The following P2RX1 variants were observed in gnomAD, a reference collection of about 807,000 sequenced individuals.
The protein encoded by P2RX1 is purinergic receptor P2X 1.
P2RX1 carries 42 observed loss-of-function variants against 50.3 expected under a neutral mutation model. The ratio of observed to expected loss-of-function variants is 0.83; its 90% confidence interval spans 0.65 to 1.08. The LOEUF (loss-of-function observed/expected upper bound fraction) is 1.08. Ranked by LOEUF, P2RX1 falls within the 50% of genes least tolerant of loss-of-function variation. The probability of loss-of-function intolerance (pLI) is 0.00; values close to 1 mark genes in which losing one functional copy is unlikely to be tolerated. For synonymous variants in P2RX1, 199 were observed against 202.6 expected, an observed-to-expected ratio of 0.98 and a Z score of 0.15; for missense variants, 449 against 529.0, an observed-to-expected ratio of 0.85 and a Z score of 1.48.
rs1433957673 is a variant in P2RX1, at chr17:3,897,770, C to T, written c.*44G>A. On this transcript the variant is annotated 3_prime_UTR_variant, in exon 12 of 12. Coordinates refer to ENST00000225538, the MANE Select transcript of P2RX1 (RefSeq NM_002558.4). ...GGCTGGGACCCACCAGGGCTCCAGGCTGAAGCCTCACGCTGCACCCAGTCA... is the reference window on the plus strand; with the variant it reads ...GGCTGGGACCCACCAGGGCTCCAGGTTGAAGCCTCACGCTGCACCCAGTCA... The T allele has an allele frequency of 6.3e-7, 1 of 1,585,190 alleles. No individual in the cohort carries two copies. The highest frequency in any genetic ancestry group is 1.3e-5 in the African/African-American group (1 of 74,326).
intron 9 of P2RX1, 82 bp downstream of exon 9, chr17:3,898,852 T>C (rs2056081600): frequency 1.8e-6 from 2 of 1,122,742 alleles, no homozygotes; most frequent in Middle Eastern, 1.9e-4. Flanking sequence ...CTTCCGGTTG[T>C]CTATAACTGT....
chr17:3,914,568 C>A lies in P2RX1; in HGVS notation c.137+1521G>T, dbSNP rs1278190430. 6.6e-6 allele frequency among the ~76,000 whole-genome samples: 1 copy of A among 152,110 alleles called. No homozygotes were observed. Among genetic ancestry groups the A allele is most frequent in the African/African-American group, 2.4e-5 (1 of 41,420 alleles). On this transcript the variant is annotated intron_variant, in intron 1 of 11. Transcript: ENST00000225538. This position sits in a 1 kb window ranked among gnomAD's most constrained non-coding sequence, Gnocchi z 4.1. ...ACAGCCTTCCCCCAGCCTCTTCCAG[C>A]AAGGGTAGGCTGGGCCTGCGCAGAC...
intron 1 of P2RX1, chr17:3,915,316 A>G (rs1241977210): frequency 1.8e-5 from 7 of 384,466 alleles, no homozygotes; most frequent in South Asian, 1.1e-4. Context: ...GGGTACCCAC[A>G]TGTGGGCACT....
At chr17:3,908,055 C>T (rs1446552152) in intron 1 of P2RX1, among the ~76,000 whole-genome samples, 3 of 152,174 alleles carry the variant, frequency 2.0e-5, no homozygotes, top group Non-Finnish European at 2.9e-5. Context: ...TCTCAAGTGT[C>T]CCCATGCTTG....
In P2RX1 at chr17:3,896,626, C is replaced by T. The variant is rs986507775; in HGVS notation, c.*1188G>A. ...ATTCCCTTTATTGTACTCCACCCGTCGCTTCCCCCAGACCTTCTGTTCAGA... is the reference window on the plus strand; with the variant it reads ...ATTCCCTTTATTGTACTCCACCCGTTGCTTCCCCCAGACCTTCTGTTCAGA... On this transcript the variant is annotated 3_prime_UTR_variant, in exon 12 of 12. Coordinates refer to ENST00000225538, the MANE Select transcript of P2RX1 (RefSeq NM_002558.4). 3 of 152,330 alleles carry T rather than the reference C, an allele frequency of 2.0e-5. No individual in the cohort carries two copies. The highest frequency in any genetic ancestry group is 4.4e-5 in the Non-Finnish European group (3 of 68,116). 9.4% of individuals were successfully genotyped at this position (152,330 alleles called of 1,614,324 possible).
intron 4 of P2RX1, 121 bp downstream of exon 4, chr17:3,904,209 C>G: frequency 8.8e-7 from 1 of 1,139,234 alleles, no homozygotes. Context: ...GGGAGTCCCT[C>G]CCGGAGGCCG....
intron 1 of P2RX1, chr17:3,915,502 C>T (rs1410162644): frequency 2.2e-6 from 1 of 456,522 alleles, no homozygotes; most frequent in Admixed American, 2.3e-5. Context: ...CCGGAGATGC[C>T]CAGAAAGGAA....
At position 3,905,133 on chromosome 17, in the gene P2RX1, G is replaced by A. The variant is rs931345135; in HGVS notation, c.285+87C>T. On this transcript the variant is annotated intron_variant, in intron 2 of 11. Transcript: ENST00000225538. ...AGGTCCAGAGAGAAAGAGGAGCTGG[G>A]CTGGTCCCACAGGGACGTGGGACAG... 5 of 1,533,358 alleles carry A rather than the reference G, an allele frequency of 3.3e-6. No individual in the cohort carries two copies. The African/African-American group carries it at 6.8e-5, about 21-fold the overall frequency. The allele number at this position is 1,533,358 out of a possible 1,614,324, so 95.0% of individuals were successfully genotyped here.
At position 3,914,538 on chromosome 17, in the gene P2RX1, A is replaced by G. The variant is rs142202284; in HGVS notation, c.137+1551T>C. ...GAACTAGGGAGCCGCAGGGGCAGAG[A>G]GAGGACAGCCTTCCCCCAGCCTCTT... On this transcript the variant is annotated intron_variant, in intron 1 of 11. Transcript: ENST00000225538. The surrounding 1 kb of genome is among the most constrained non-coding windows in gnomAD (Gnocchi z 4.1). Among the ~76,000 whole-genome samples, 65 of 152,240 alleles carry G rather than the reference A, an allele frequency of 4.3e-4. No homozygotes were observed. The highest frequency in any genetic ancestry group is 1.5e-3 in the African/African-American group (62 of 41,542).
Position 3,898,048 on chromosome 17 carries a change from C to G in P2RX1, c.1095G>C (p.Gln365His). 1 of 1,613,526 alleles carries G rather than the reference C, an allele frequency of 6.2e-7. No homozygotes were observed. The highest frequency in any genetic ancestry group is 8.5e-7 in the Non-Finnish European group (1 of 1,179,934). The change falls in exon 11 of 12, where the codon CAG becomes CAC. Residue 365 changes from glutamine to histidine, a missense_variant. Transcript: ENST00000225538. ...HILPKRHYYK[Q>H]KKFKYAEDMG... is the part of the protein sequence containing the mutation. ...TGTCCTCAGCGTATTTGAACTTCTT[C>G]TGCTTGTAGTAGTGCCTCTTAGGCA...
rs912959705 is a variant in P2RX1 at position 3,904,368 on chromosome 17, C to T, written c.389G>A (p.Ser130Asn). 1 of 1,613,936 alleles carries T rather than the reference C, an allele frequency of 6.2e-7. No homozygotes were observed. The highest frequency in any genetic ancestry group is 8.5e-7 in the Non-Finnish European group (1 of 1,179,970). Residue 130 changes from serine (S) to asparagine (N), a missense_variant, in exon 4 of 12, where the codon AGT becomes AAT. By Grantham distance (46) the Ser-to-Asn change is conservative (BLOSUM62 1). Coordinates refer to ENST00000225538, the MANE Select transcript of P2RX1 (RefSeq NM_002558.4). Reference sequence around the variant, plus strand: ...CTTGGCCTTCCCAGGGGTACAGCCACTGTCTTCCTTGCATATGCCCCCTTC... The same window carrying T: ...CTTGGCCTTCCCAGGGGTACAGCCATTGTCTTCCTTGCATATGCCCCCTTC... ...HPEGGICKED[S>N]GCTPGKAKRK...
intron 1 of P2RX1, among the ~76,000 whole-genome samples, chr17:3,910,109 G>A (rs866105752): frequency 1.3e-5 from 2 of 151,654 alleles, no homozygotes; most frequent in African/African-American, 2.4e-5. Context: ...TGAGGAGCTG[G>A]GATTACAGGC....
rs201760547 is a variant in P2RX1 at position 3,903,174 on chromosome 17, C to T, written c.747+28G>A. 200 of 1,613,818 alleles carry T rather than the reference C, an allele frequency of 1.2e-4. No homozygotes were observed. In the East Asian group the frequency reaches 1.7e-3, roughly 13 times the overall value. On this transcript the variant is annotated intron_variant, in intron 7 of 11. Transcript: ENST00000225538. The surrounding 1 kb of genome is among the most constrained non-coding windows in gnomAD (Gnocchi z 4.6). ...ATCAGGATCCTGCGGCCCAGCCCTC[C>T]CCACGTGCCTGGCACCATGCTCCAT...
rs2056067211 is a variant in P2RX1, at chr17:3,898,097, C to T, written c.1046G>A (p.Cys349Tyr). 1 of 1,613,590 alleles carries T rather than the reference C, an allele frequency of 6.2e-7. No individual in the cohort carries two copies. Among genetic ancestry groups the T allele is most frequent in the Non-Finnish European group, 8.5e-7 (1 of 1,179,946 alleles). ...CAGGATGTGAAGCAGCAGCAGGTCA[C>T]AGAGAACTGTGGCCTGGGGTCAGGG... ...IGIFGVATVL[C>Y]DLLLLHILPK... The change falls in exon 11 of 12, where the codon TGT becomes TAT. Residue 349 changes from cysteine to tyrosine, a missense_variant. By Grantham distance (194) the Cys-to-Tyr change is radical. Coordinates refer to ENST00000225538, the MANE Select transcript of P2RX1 (RefSeq NM_002558.4).
intron 7 of P2RX1, among the ~76,000 whole-genome samples, chr17:3,902,591 C>T (rs1289294200): frequency 4.0e-5 from 6 of 148,928 alleles, no homozygotes; most frequent in East Asian, 2.0e-4. Flanking sequence ...CCACTGTGCC[C>T]GGCCAATTTT....
chr17:3,903,547 G>C lies in P2RX1; in HGVS notation c.605+4C>G, dbSNP rs373739052. The C allele has an allele frequency of 6.2e-7, 1 of 1,613,896 alleles. No individual in the cohort carries two copies. On this transcript the variant is annotated splice_donor_region_variant and intron_variant, in intron 6 of 11. Transcript: ENST00000225538. The surrounding 1 kb of genome is among the most constrained non-coding windows in gnomAD (Gnocchi z 4.6). Reference sequence around the variant, plus strand: ...CTGCATTTCTGCCCGAATTTCCCACGCACCTGTTGACCTTGAAGCGTGGAA... The same window carrying C: ...CTGCATTTCTGCCCGAATTTCCCACCCACCTGTTGACCTTGAAGCGTGGAA...
intron 1 of P2RX1, among the ~76,000 whole-genome samples, chr17:3,906,392 A>G (rs916030103): frequency 6.6e-6 from 1 of 152,184 alleles, no homozygotes; most frequent in Admixed American, 6.5e-5. Context: ...CGGCCTCCCA[A>G]AGTGCTGGGA....
At chr17:3,913,916 C>T (rs543953133) in intron 1 of P2RX1, among the ~76,000 whole-genome samples, 1 of 152,198 alleles carries the variant, frequency 6.6e-6, no homozygotes, top group Non-Finnish European at 1.5e-5. Flanking sequence ...AAGCTGAGTC[C>T]GGAGATGCCA....
chr17:3,911,153 A>ATTTTTT (rs35055902), intron 1 of P2RX1, among the ~76,000 whole-genome samples: 16 of 138,226 alleles, frequency 1.2e-4, no homozygotes, highest in Non-Finnish European at 1.7e-4. Context: ...CACCTGGGTA[A>ATTTTTT]TTTTTTTTTT....
Sources: allele counts gnomAD v4.1 joint callset (sites outside exome capture counted in the v4.1 genomes callset), GRCh38; gene constraint gnomAD v4.1.1; non-coding constraint Gnocchi (gnomAD v3.1); transcripts MANE v1.5; gene names NCBI Gene and HGNC (gene_info 2026-07-23, HGNC 2026-07-21).